Variants in EDA observed in about 807,000 individuals in gnomAD.
The protein encoded by EDA is ectodysplasin A, also known as ectodysplasin-A.
Under a neutral mutation model 23.6 loss-of-function variants are expected in EDA, and 2 were observed. That is an observed-to-expected ratio of 0.08 (90% CI 0.03 to 0.27). EDA has a LOEUF of 0.27. Among genes scored for constraint, EDA ranks in the 10% least tolerant of loss-of-function variants. EDA has a pLI of 1.00. For missense variants in EDA, 229 were observed against 324.2 expected, an observed-to-expected ratio of 0.71 and a Z score of 2.26; for synonymous variants, 131 against 132.0, an observed-to-expected ratio of 0.99 and a Z score of 0.05.
chrX:69,994,046 C>T (rs1181061812), intron 2 of EDA, among the ~76,000 whole-genome samples: 1 of 111,900 alleles, frequency 8.9e-6, no homozygotes, highest in African/African-American at 3.2e-5. Context: ...ATCATGTTAT[C>T]ACAATTGGAT....
At chrX:69,645,379 A>G (rs931646285) in intron 1 of EDA, among the ~76,000 whole-genome samples, 1 of 105,839 alleles carries the variant, frequency 9.4e-6, no homozygotes, top group Non-Finnish European at 1.9e-5. Flanking sequence ...TTTCTAGTTT[A>G]TGTTCATAGA....
At chrX:69,825,334 C>CT (rs1270187084) in intron 1 of EDA, among the ~76,000 whole-genome samples, 1 of 99,614 alleles carries the variant, frequency 1.0e-5, no homozygotes, top group Admixed American at 1.1e-4. Flanking sequence ...GTCCTGGACT[C>CT]TTTTTGGTTG....
intron 1 of EDA, among the ~76,000 whole-genome samples, chrX:69,755,664 G>T (rs2014086247): frequency 8.9e-6 from 1 of 112,677 alleles, no homozygotes. Context: ...CCCCAGAGGT[G>T]GAGTCTACAG....
chrX:69,833,690 G>A (rs1021213843), intron 1 of EDA, among the ~76,000 whole-genome samples: 2 of 110,903 alleles, frequency 1.8e-5, no homozygotes, highest in African/African-American at 6.6e-5. Context: ...TTTTTGGTTG[G>A]TAGGCTATTA....
chrX:69,660,278 G>A (rs772831557), intron 1 of EDA, among the ~76,000 whole-genome samples: 1 of 110,699 alleles, frequency 9.0e-6, no homozygotes, highest in Non-Finnish European at 1.9e-5. Context: ...CTTTGTAGTT[G>A]ATTGGGAATC....
intron 1 of EDA, among the ~76,000 whole-genome samples, chrX:69,921,137 A>G (rs1048524339): frequency 9.0e-6 from 1 of 110,559 alleles, no homozygotes; most frequent in Non-Finnish European, 1.9e-5. Context: ...GTGGGCTTTT[A>G]TTGAACACTT....
intron 1 of EDA, among the ~76,000 whole-genome samples, chrX:69,768,855 A>G (rs1030916308): frequency 1.8e-5 from 2 of 111,664 alleles, no homozygotes; most frequent in Non-Finnish European, 3.8e-5. Context: ...AATTCCCCCA[A>G]AATATTGATT....
intron 1 of EDA, among the ~76,000 whole-genome samples, chrX:69,868,573 A>T (rs767824911): frequency 1.2e-4 from 13 of 112,331 alleles, no homozygotes; most frequent in Admixed American, 4.7e-4. Context: ...CTTCTTGCTC[A>T]CTGGTTCGAA....
Position 69,725,725 on chromosome X carries a change from C to T in EDA, c.396+109021C>T, listed in dbSNP as rs1466682315. Among the ~76,000 whole-genome samples, 5 of 112,284 alleles carry T rather than the reference C, an allele frequency of 4.5e-5. No individual in the cohort carries two copies. The Admixed American group carries it at 4.7e-4, about 11-fold the overall frequency. Reference sequence around the variant, plus strand: ...CAGGCATGTCAATGGCATTAGAAACCATGGGTATGGGGACTTCTGCTTTTG... The same window carrying T: ...CAGGCATGTCAATGGCATTAGAAACTATGGGTATGGGGACTTCTGCTTTTG... On this transcript the variant is annotated intron_variant, in intron 1 of 7. Coordinates refer to ENST00000374552, the MANE Select transcript of EDA (RefSeq NM_001399.5).
intron 1 of EDA, among the ~76,000 whole-genome samples, chrX:69,885,749 C>T (rs371956022): frequency 5.4e-5 from 6 of 111,651 alleles, no homozygotes; most frequent in African/African-American, 2.0e-4. Context: ...TACTTACTAA[C>T]CTTTGTTTCA....
At chrX:69,707,816 A>G (rs951455113) in intron 1 of EDA, among the ~76,000 whole-genome samples, 2 of 111,721 alleles carry the variant, frequency 1.8e-5, no homozygotes, top group Non-Finnish European at 3.8e-5. Flanking sequence ...TATTGAACCC[A>G]GTCCAGTTTC....
At chrX:69,626,724 G>A (rs1434056604) in intron 1 of EDA, among the ~76,000 whole-genome samples, 1 of 111,741 alleles carries the variant, frequency 8.9e-6, no homozygotes, top group Non-Finnish European at 1.9e-5. Flanking sequence ...ACCACAGCCA[G>A]GGTTATAGCA....
chrX:69,743,262 G>A (rs2013516674), intron 1 of EDA, among the ~76,000 whole-genome samples: 2 of 111,762 alleles, frequency 1.8e-5, no homozygotes, highest in Non-Finnish European at 1.9e-5. Context: ...TACTGCTGCT[G>A]CTACTACTAC....
chrX:69,912,495 T>G (rs1468936197), intron 1 of EDA, among the ~76,000 whole-genome samples: 1 of 111,905 alleles, frequency 8.9e-6, no homozygotes, highest in East Asian at 2.8e-4. Flanking sequence ...AAATTACTCC[T>G]TGATCCACAG....
At chrX:69,899,739 G>C (rs1417163935) in intron 1 of EDA, among the ~76,000 whole-genome samples, 1 of 111,304 alleles carries the variant, frequency 9.0e-6, no homozygotes, top group East Asian at 2.8e-4. Flanking sequence ...TACTAGCTCT[G>C]TTAGTAAAAA....
intron 1 of EDA, among the ~76,000 whole-genome samples, chrX:69,733,051 G>C (rs2013101277): frequency 9.2e-6 from 1 of 108,256 alleles, no homozygotes; most frequent in African/African-American, 3.4e-5. Context: ...TCTGTAGGTT[G>C]CCTCTTCACT....
Position 69,764,329 on chromosome X carries a change from G to A in EDA, c.396+147625G>A, listed in dbSNP as rs751900822. 1.4e-4 allele frequency among the ~76,000 whole-genome samples: 13 copies of A among 90,562 alleles called. 1 individual carries two copies. Among genetic ancestry groups the A allele is most frequent in the Admixed American group, 6.0e-4 (4 of 6,689 alleles). 78.6% of individuals were successfully genotyped at this position (90,562 alleles called of 115,157 possible). A position where few individuals can be genotyped will look rare whatever the true frequency, so the allele number is the denominator to read the frequency against. The stretch of plus-strand genomic sequence containing the variant: ...CCAATCTCAGCTCACTGCAACCTCC[G>A]CCTCCTGGGTTCAGGCGATTCTCGT... On this transcript the variant is annotated intron_variant, in intron 1 of 7. Coordinates refer to ENST00000374552, the MANE Select transcript of EDA (RefSeq NM_001399.5).
chrX:69,724,379 A>G (rs920467596), intron 1 of EDA, among the ~76,000 whole-genome samples: 4 of 111,526 alleles, frequency 3.6e-5, no homozygotes, highest in Non-Finnish European at 7.5e-5. Context: ...AGGCCATTCT[A>G]TAACTTTGCT....
In EDA at chrX:69,706,515, C is replaced by A. The variant is rs777832788; in HGVS notation, c.396+89811C>A. Among the ~76,000 whole-genome samples the A allele has an allele frequency of 6.4e-5, 7 of 109,371 alleles. No individual in the cohort carries two copies. The Admixed American group carries it at 7.0e-4, about 11-fold the overall frequency. 95.0% of individuals were successfully genotyped at this position (109,371 alleles called of 115,157 possible). On this transcript the variant is annotated intron_variant, in intron 1 of 7. Coordinates refer to ENST00000374552, the MANE Select transcript of EDA (RefSeq NM_001399.5). ...TCAGGAGATCCTGAGAATATGTGCCCAAGGTGTTTGAGGTGCAGCTTGGTT... is the reference window on the plus strand; with the variant it reads ...TCAGGAGATCCTGAGAATATGTGCCAAAGGTGTTTGAGGTGCAGCTTGGTT...
Sources: gnomAD v4.1 joint callset for allele counts (sites outside exome capture counted in the v4.1 genomes callset) on GRCh38, gnomAD v4.1.1 for gene constraint, MANE v1.5 for transcripts, NCBI Gene and HGNC (gene_info 2026-07-23, HGNC 2026-07-21) for gene names.